MKNK1: variants seen among roughly 807,000 people sequenced by gnomAD.
MKNK1 encodes MAPK interacting serine/threonine kinase 1, also known as MAP kinase-interacting serine/threonine-protein kinase 1.
A neutral mutation model predicts 49.3 loss-of-function variants in MKNK1; 30 were observed. That is an observed-to-expected ratio of 0.61 (90% CI 0.46 to 0.83). The LOEUF (loss-of-function observed/expected upper bound fraction) is 0.83, where lower values mean the gene tolerates loss of function less well. MKNK1 is among the 40% of genes least tolerant of loss of function. The probability of loss-of-function intolerance (pLI) is 0.00; values close to 1 mark genes in which losing one functional copy is unlikely to be tolerated. For missense variants in MKNK1, 423 were observed against 524.7 expected (o/e 0.81, Z 1.89); for synonymous variants, 176 against 201.7 (o/e 0.87, Z 1.08).
rs373524985 is a variant in MKNK1 at position 46,583,254 on chromosome 1, G to A, written c.74C>T (p.Thr25Ile). 2.5e-6 allele frequency: 4 copies of A among 1,613,974 alleles called. No individual in the cohort carries two copies. In the African/African-American group the frequency reaches 4.0e-5, roughly 16 times the overall value. The change falls in exon 3 of 13, where the codon ACT becomes ATT. Residue 25 changes from threonine to isoleucine, a missense_variant. Physicochemically the swap from Thr to Ile is moderately conservative, Grantham distance 89. Transcript: ENST00000371945. The stretch of plus-strand genomic sequence containing the variant: ...TTCAAACTTTCCTGGCAAGGAGTCA[G>A]TGGCCCGGCCCCTCCGCTTCTTCTT... ...RRKKKRRGRATDSLPGKFEDM... is the reference protein window; with the variant it reads ...RRKKKRRGRAIDSLPGKFEDM...
chr1:46,589,585 C>A lies in MKNK1; in HGVS notation c.-3+4528G>T, dbSNP rs1029131132. 6.6e-6 allele frequency among the ~76,000 whole-genome samples: 1 copy of A among 152,168 alleles called. No individual in the cohort carries two copies. The highest frequency in any genetic ancestry group is 2.4e-5 in the African/African-American group (1 of 41,418). On this transcript the variant is annotated intron_variant, in intron 2 of 12. Coordinates refer to ENST00000371945, the MANE Select transcript of MKNK1 (RefSeq NM_001135553.4). This position sits in a 1 kb window ranked among gnomAD's most constrained non-coding sequence, Gnocchi z 4.3. Reference sequence around the variant, plus strand: ...TCTCTTTGTAAAACCTGTGAGTGAACGAGCACTGATGGTACTGAAGGTATA... The same window carrying A: ...TCTCTTTGTAAAACCTGTGAGTGAAAGAGCACTGATGGTACTGAAGGTATA...
chr1:46,577,842 A>G (rs934573580), intron 4 of MKNK1, among the ~76,000 whole-genome samples: 4 of 152,244 alleles, frequency 2.6e-5, no homozygotes, highest in Non-Finnish European at 5.9e-5. Context: ...CTGCACACCG[A>G]GCCTGTGAGC....
At chr1:46,560,567 C>T (rs1228496719) in intron 11 of MKNK1, among the ~76,000 whole-genome samples, 1 of 152,242 alleles carries the variant, frequency 6.6e-6, no homozygotes, top group Non-Finnish European at 1.5e-5. Context: ...CCCTGTGACG[C>T]ACATTTCCCC....
chr1:46,584,058 G>A (rs921162824), intron 2 of MKNK1, among the ~76,000 whole-genome samples: 2 of 152,212 alleles, frequency 1.3e-5, no homozygotes, highest in African/African-American at 4.8e-5. Flanking sequence ...TCTTTCATTG[G>A]CAAGCACCTG....
chr1:46,604,056 GCA>G (rs1675085589), intron 1 of MKNK1, 127 bp downstream of exon 1: 1 of 152,190 alleles, frequency 6.6e-6, no homozygotes, highest in Admixed American at 6.5e-5. Flanking sequence ...CTGTCCCTCC[GCA>G]GCTGAATCGC....
chr1:46,570,877 TAA>T (rs1670002175), intron 7 of MKNK1, among the ~76,000 whole-genome samples: 1 of 152,116 alleles, frequency 6.6e-6, no homozygotes, highest in Non-Finnish European at 1.5e-5. Flanking sequence ...TTTTCATCTA[TAA>T]AAAGCTTAGA....
chr1:46,592,693 C>CG (rs1277540300), intron 2 of MKNK1, among the ~76,000 whole-genome samples: 1 of 152,092 alleles, frequency 6.6e-6, no homozygotes, highest in African/African-American at 2.4e-5. Flanking sequence ...ATGAAGTCAT[C>CG]GAGGCAGAAC....
intron 1 of MKNK1, among the ~76,000 whole-genome samples, chr1:46,595,498 A>C (rs1053168260): frequency 6.6e-6 from 1 of 151,962 alleles, no homozygotes; most frequent in African/African-American, 2.4e-5. Flanking sequence ...GCAAGCACTT[A>C]CCTTTTTCAT....
intron 2 of MKNK1, chr1:46,584,407 AG>A (rs998581233): frequency 2.6e-5 from 4 of 151,920 alleles, no homozygotes; most frequent in Non-Finnish European, 5.9e-5. Flanking sequence ...TCTAAAATAG[AG>A]GCACTCGAGT....
Position 46,562,642 on chromosome 1 carries a change from C to A in MKNK1, c.804+7G>T. On this transcript the variant is annotated splice_region_variant and intron_variant, in intron 10 of 12. Coordinates refer to ENST00000371945, the MANE Select transcript of MKNK1 (RefSeq NM_001135553.4). ...GTCTACGCAGTGCTCCCTGGGGCCGCACTCACCTGGCACACCCTGCAGACC... is the reference window on the plus strand; with the variant it reads ...GTCTACGCAGTGCTCCCTGGGGCCGAACTCACCTGGCACACCCTGCAGACC... 6.4e-7 allele frequency: 1 copy of A among 1,550,714 alleles called. No individual in the cohort carries two copies.
At chr1:46,571,496 T>C (rs1373683108) in intron 7 of MKNK1, 2 of 417,328 alleles carry the variant, frequency 4.8e-6, no homozygotes, top group Admixed American at 3.1e-5. Context: ...TGAGCCCTGA[T>C]GGCGCCATAG....
chr1:46,571,932 C>G, intron 7 of MKNK1, 131 bp downstream of exon 7: 1 of 747,750 alleles, frequency 1.3e-6, no homozygotes, highest in Non-Finnish European at 2.3e-6. Flanking sequence ...CATGGGTGAG[C>G]ATGTTCACAC....
intron 2 of MKNK1, among the ~76,000 whole-genome samples, chr1:46,584,076 A>G (rs978563705): frequency 2.6e-5 from 4 of 152,218 alleles, no homozygotes; most frequent in African/African-American, 7.2e-5. Flanking sequence ...CTGGCTCCCA[A>G]TCTTAAAAGG....
In MKNK1 at chr1:46,558,446, G is replaced by A. The variant is rs530879883; in HGVS notation, c.*129C>T. 3.7e-5 allele frequency: 35 copies of A among 954,052 alleles called. No individual in the cohort carries two copies. The East Asian group carries it at 6.8e-4, about 19-fold the overall frequency. 59.1% of individuals were successfully genotyped at this position (954,052 alleles called of 1,614,324 possible). A position where few individuals can be genotyped will look rare whatever the true frequency, so the allele number is the denominator to read the frequency against. ...GGTTGATGGGAACCTCAGGGCCTTC[G>A]TAGATGAAAAAGCCTGAATGGAGCC... On this transcript the variant is annotated 3_prime_UTR_variant, in exon 13 of 13. Transcript: ENST00000371945.
chr1:46,566,420 T>C (rs1184875722), intron 8 of MKNK1, among the ~76,000 whole-genome samples: 1 of 152,256 alleles, frequency 6.6e-6, no homozygotes, highest in African/African-American at 2.4e-5. Flanking sequence ...ACTTGAGTTG[T>C]CTCTACCTTT....
intron 1 of MKNK1, among the ~76,000 whole-genome samples, chr1:46,600,365 C>T (rs999664301): frequency 6.6e-6 from 1 of 152,128 alleles, no homozygotes; most frequent in Non-Finnish European, 1.5e-5. Flanking sequence ...ATGTGCTTAC[C>T]GAATTGAATC....
rs576245874 is a variant in MKNK1, at chr1:46,564,553, C to T, written c.609+488G>A. Among the ~76,000 whole-genome samples, 163 of 143,486 alleles carry T rather than the reference C, an allele frequency of 1.1e-3. 2 individuals are homozygous for T. In the South Asian group the frequency reaches 0.031, roughly 27 times the overall value. The allele number at this position is 143,486 out of a possible 152,430, so 94.1% of individuals were successfully genotyped here. On this transcript the variant is annotated intron_variant, in intron 9 of 12. Transcript: ENST00000371945. ...GTGCAATGGTGCTATCTCGGCTCACCGCAACCTCCACCCCTCGGGTTCAAG... is the reference window on the plus strand; with the variant it reads ...GTGCAATGGTGCTATCTCGGCTCACTGCAACCTCCACCCCTCGGGTTCAAG...
At chr1:46,575,107 A>G in intron 5 of MKNK1, 87 bp from the exon 6 acceptor site, 3 of 852,444 alleles carry the variant, frequency 3.5e-6, no homozygotes, top group Non-Finnish European at 5.5e-6. Context: ...AATGAAAAAA[A>G]TATACAACAC....
At chr1:46,560,142 C>G (rs1482442348) in intron 12 of MKNK1, 92 bp downstream of exon 12, 22 of 1,447,882 alleles carry the variant, frequency 1.5e-5, no homozygotes, top group Non-Finnish European at 2.0e-5. Context: ...AGAAAGCTAC[C>G]TGAGCCTAGA....
Sources: allele counts gnomAD v4.1 joint callset (sites outside exome capture counted in the v4.1 genomes callset), GRCh38; gene constraint gnomAD v4.1.1; non-coding constraint Gnocchi (gnomAD v3.1); transcripts MANE v1.5; gene names NCBI Gene and HGNC (gene_info 2026-07-23, HGNC 2026-07-21).